Variants in FNTB observed in about 807,000 individuals in gnomAD.
FNTB encodes the protein farnesyltransferase, CAAX box, subunit beta, also known as protein farnesyltransferase subunit beta.
A neutral mutation model predicts 59.4 loss-of-function variants in FNTB; 27 were observed. The ratio of observed to expected loss-of-function variants is 0.45; its 90% confidence interval spans 0.34 to 0.63. FNTB has a LOEUF of 0.63. Among genes scored for constraint, FNTB ranks in the 20% least tolerant of loss-of-function variants. FNTB has a pLI of 0.02. For missense variants in FNTB, 449 were observed against 559.6 expected, an observed-to-expected ratio of 0.80 and a Z score of 1.99; for synonymous variants, 230 against 220.7, an observed-to-expected ratio of 1.04 and a Z score of -0.37.
chr14:65,052,553 G>A (rs1034570881), intron 9 of FNTB, among the ~76,000 whole-genome samples: 2 of 152,140 alleles, frequency 1.3e-5, no homozygotes, highest in South Asian at 2.1e-4. Context: ...TAACTGTGTG[G>A]CCCACAGAAT....
chr14:65,017,026 G>T (rs1482923946), intron 4 of FNTB, among the ~76,000 whole-genome samples: 1 of 148,612 alleles, frequency 6.7e-6, no homozygotes, highest in Non-Finnish European at 1.5e-5. Context: ...GGGTTCAAGC[G>T]ATTCTCCTGC....
chr14:64,991,793 G>A lies in FNTB; in HGVS notation c.144+4696G>A, dbSNP rs988366681. On this transcript the variant is annotated intron_variant, in intron 1 of 11. Transcript: ENST00000246166. This position sits in a 1 kb window ranked among gnomAD's most constrained non-coding sequence, Gnocchi z 4.4. ...AGTTTGGGGCAGCCATTCAAGGAGG[G>A]AGAGCTGTTTTGAGGGAAGACTCAG... 6.6e-6 allele frequency among the ~76,000 whole-genome samples: 1 copy of A among 152,080 alleles called. No homozygotes were observed. The highest frequency in any genetic ancestry group is 2.4e-5 in the African/African-American group (1 of 41,410).
chr14:65,056,202 G>GTATT (rs1422202241), intron 11 of FNTB, among the ~76,000 whole-genome samples: 1 of 152,094 alleles, frequency 6.6e-6, no homozygotes, highest in South Asian at 2.1e-4. Flanking sequence ...ACTTGCCATT[G>GTATT]TATTTTTGAG....
At position 65,010,000 on chromosome 14, in the gene FNTB, T is replaced by A. The variant is rs972691426; in HGVS notation, c.210-2317T>A. Among the ~76,000 whole-genome samples, 1 of 152,160 alleles carries A rather than the reference T, an allele frequency of 6.6e-6. No individual in the cohort carries two copies. The highest frequency in any genetic ancestry group is 2.4e-5 in the African/African-American group (1 of 41,436). On this transcript the variant is annotated intron_variant, in intron 2 of 11. Coordinates refer to ENST00000246166, the MANE Select transcript of FNTB (RefSeq NM_002028.4). The surrounding 1 kb of genome is among the most constrained non-coding windows in gnomAD (Gnocchi z 4.2). ...GGTGCTCCCTGCGTCCTGAGTGGAC[T>A]TTCCTGAAAGAGAAACTGAGTCTGG...
Position 65,047,117 on chromosome 14 carries a change from T to C in FNTB, c.955+2674T>C, listed in dbSNP as rs55771504. ...GAGGTCCCAGTGAAAGAACTGTCCT[T>C]CTTACTTTTTCTACTACAACTGCCA... is the stretch of plus-strand genomic sequence containing the variant. On this transcript the variant is annotated intron_variant, in intron 9 of 11. Coordinates refer to ENST00000246166, the MANE Select transcript of FNTB (RefSeq NM_002028.4). The surrounding 1 kb of genome is among the most constrained non-coding windows in gnomAD (Gnocchi z 5.2). Among the ~76,000 whole-genome samples, 15,191 of 152,198 alleles carry C rather than the reference T, an allele frequency of 0.1. 1,001 individuals carry two copies. The highest frequency in any genetic ancestry group is 0.17 in the Admixed American group (2,607 of 15,292).
intron 1 of FNTB, chr14:64,987,540 T>G (rs1029276039): frequency 5.6e-6 from 1 of 177,136 alleles, no homozygotes; most frequent in African/African-American, 2.3e-5. Context: ...ACGATCTGTT[T>G]AATTTTTGAC....
In FNTB at chr14:65,004,283, G is replaced by T. The variant is rs2061548863; in HGVS notation, c.179G>T (p.Ser60Ile). 6.2e-7 allele frequency: 1 copy of T among 1,613,146 alleles called. No individual in the cohort carries two copies. The highest frequency in any genetic ancestry group is 8.5e-7 in the Non-Finnish European group (1 of 1,179,500). ...GAAGAAAAGATCCAAGAGGTCTTCAGTTCTTACAAGTTCAACCACCTTGTA... is the reference window on the plus strand; with the variant it reads ...GAAGAAAAGATCCAAGAGGTCTTCATTTCTTACAAGTTCAACCACCTTGTA... ...KVEEKIQEVF[S>I]SYKFNHLVPR... The change falls in exon 2 of 12, where the codon AGT (serine) becomes ATT (isoleucine). Residue 60 changes from serine to isoleucine, a missense_variant. Transcript: ENST00000246166.
intron 11 of FNTB, among the ~76,000 whole-genome samples, chr14:65,055,995 C>A (rs2062728326): frequency 6.6e-6 from 1 of 152,072 alleles, no homozygotes; most frequent in Non-Finnish European, 1.5e-5. Context: ...GTTTTTTTTC[C>A]TCCCTCCTTC....
At chr14:65,057,518 G>T (rs560008712) in intron 11 of FNTB, among the ~76,000 whole-genome samples, 1 of 152,150 alleles carries the variant, frequency 6.6e-6, no homozygotes, top group Non-Finnish European at 1.5e-5. Flanking sequence ...TTGGGGGAGG[G>T]TAGGTGAGGA....
At chr14:65,061,118 G>A (rs1246650753) in intron 11 of FNTB, 63 bp from the exon 12 acceptor site, 1 of 1,593,292 alleles carries the variant, frequency 6.3e-7, no homozygotes, top group African/African-American at 1.3e-5. Context: ...ATGGAGCAAA[G>A]GATGTGTTAT....
intron 1 of FNTB, among the ~76,000 whole-genome samples, chr14:65,000,398 A>G (rs964738153): frequency 6.6e-6 from 1 of 152,194 alleles, no homozygotes; most frequent in African/African-American, 2.4e-5. Context: ...AAGCTCAGGC[A>G]AAGTTAATGT....
At chr14:65,038,252 T>C (rs756816676) in intron 7 of FNTB, among the ~76,000 whole-genome samples, 3 of 150,338 alleles carry the variant, frequency 2.0e-5, no homozygotes, top group Non-Finnish European at 3.0e-5. Flanking sequence ...CTACAAAATA[T>C]ACAAAACATT....
intron 8 of FNTB, among the ~76,000 whole-genome samples, chr14:65,041,467 T>G (rs1444814138): frequency 6.6e-6 from 1 of 152,148 alleles, no homozygotes; most frequent in Non-Finnish European, 1.5e-5. Flanking sequence ...AGATTGTAGT[T>G]AAATGATCAG....
intron 4 of FNTB, among the ~76,000 whole-genome samples, chr14:65,018,495 G>A (rs1435882726): frequency 2.0e-5 from 3 of 152,142 alleles, no homozygotes; most frequent in African/African-American, 4.8e-5. Flanking sequence ...ATTTCTGGAC[G>A]ATGGGGTTAA....
rs1222602551 is a variant in FNTB, at chr14:65,011,351, C to T, written c.210-966C>T. Among the ~76,000 whole-genome samples, 1 of 151,568 alleles carries T rather than the reference C, an allele frequency of 6.6e-6. No homozygotes were observed. The highest frequency in any genetic ancestry group is 2.4e-5 in the African/African-American group (1 of 41,132). ...GGCTGAGGCAGGAGAATAGCTTGAA[C>T]CCAAGAGGTGGAGGTTGCAGTAAGC... On this transcript the variant is annotated intron_variant, in intron 2 of 11. Transcript: ENST00000246166. The surrounding 1 kb of genome is among the most constrained non-coding windows in gnomAD (Gnocchi z 4.0).
Position 65,062,161 on chromosome 14 carries a change from G to A in FNTB, c.*849G>A, listed in dbSNP as rs1399871817. The stretch of plus-strand genomic sequence containing the variant: ...TGCCTGCAGGCCGAGGCCCTTCTGG[G>A]GGTTTCTATCTTTCTTCCACCAGAC... On this transcript the variant is annotated 3_prime_UTR_variant, in exon 12 of 12. Coordinates refer to ENST00000246166, the MANE Select transcript of FNTB (RefSeq NM_002028.4). The surrounding 1 kb of genome is among the most constrained non-coding windows in gnomAD (Gnocchi z 4.3). 7 of 152,544 alleles carry A rather than the reference G, an allele frequency of 4.6e-5. No individual in the cohort carries two copies. In the East Asian group the frequency reaches 1.3e-3, roughly 29 times the overall value. 9.4% of individuals were successfully genotyped at this position (152,544 alleles called of 1,614,324 possible).
At position 65,054,705 on chromosome 14, in the gene FNTB, G is replaced by C. The variant is rs758790306; in HGVS notation, c.1182+16G>C. On this transcript the variant is annotated intron_variant, in intron 11 of 11. Coordinates refer to ENST00000246166, the MANE Select transcript of FNTB (RefSeq NM_002028.4). The surrounding 1 kb of genome is among the most constrained non-coding windows in gnomAD (Gnocchi z 4.4). Reference sequence around the variant, plus strand: ...AAACGCTCTGGTAAGACGGGTGCAGGGCTTCACACCCCTTCTCCACAGGGA... The same window carrying C: ...AAACGCTCTGGTAAGACGGGTGCAGCGCTTCACACCCCTTCTCCACAGGGA... 2 of 1,594,660 alleles carry C rather than the reference G, an allele frequency of 1.3e-6. No homozygotes were observed. The highest frequency in any genetic ancestry group is 2.7e-5 in the African/African-American group (2 of 74,336).
At position 64,991,310 on chromosome 14, in the gene FNTB, T is replaced by C. The variant is rs1029841694; in HGVS notation, c.144+4213T>C. On this transcript the variant is annotated intron_variant, in intron 1 of 11. Transcript: ENST00000246166. The surrounding 1 kb of genome is among the most constrained non-coding windows in gnomAD (Gnocchi z 4.4). ...TTTATCTTAGAGAGATAAAAAAGAA[T>C]ATGCTGTAAGGCCGAGTGCGGTGGC... 6.6e-6 allele frequency among the ~76,000 whole-genome samples: 1 copy of C among 152,074 alleles called. No individual in the cohort carries two copies. Among genetic ancestry groups the C allele is most frequent in the Non-Finnish European group, 1.5e-5 (1 of 67,998 alleles).
Position 65,054,667 on chromosome 14 carries a change from T to G in FNTB, c.1160T>G (p.Leu387Arg), listed in dbSNP as rs1156584834. 6.2e-7 allele frequency: 1 copy of G among 1,612,654 alleles called. No homozygotes were observed. The highest frequency in any genetic ancestry group is 8.5e-7 in the Non-Finnish European group (1 of 1,179,386). ...GGAGCCATGTTGCATGATGTGGTCC[T>G]GGGTGTGCCCGAAAACGCTCTGGTA... ...GSGAMLHDVV[L>R]GVPENALQPT... The change falls in exon 11 of 12, where the codon CTG becomes CGG. Residue 387 changes from leucine (L) to arginine (R), a missense_variant. This residue lies in a region of FNTB where 337 missense variants were observed against 479.1 expected (regional missense o/e 0.70). Transcript: ENST00000246166. This position sits in a 1 kb window ranked among gnomAD's most constrained non-coding sequence, Gnocchi z 4.4.
Sources: allele counts gnomAD v4.1 joint callset (sites outside exome capture counted in the v4.1 genomes callset), GRCh38; gene constraint gnomAD v4.1.1; regional missense constraint gnomAD v4.1.1; non-coding constraint Gnocchi (gnomAD v3.1); transcripts MANE v1.5; gene names NCBI Gene and HGNC (gene_info 2026-07-23, HGNC 2026-07-21).